The following KLF12 variants were observed in gnomAD, a reference collection of about 807,000 sequenced individuals.
The protein encoded by KLF12 is Krueppel-like factor 12.
A neutral mutation model predicts 37.8 loss-of-function variants in KLF12; 9 were observed. The ratio of observed to expected loss-of-function variants is 0.24; its 90% CI spans 0.14 to 0.42. The LOEUF (loss-of-function observed/expected upper bound fraction) is 0.42, where lower values mean the gene tolerates loss of function less well. Among genes scored for constraint, KLF12 ranks in the 10% least tolerant of loss-of-function variants. The probability of loss-of-function intolerance (pLI) is 1.00; values close to 1 mark genes in which losing one functional copy is unlikely to be tolerated. For synonymous variants in KLF12, 208 were observed against 202.1 expected, an observed-to-expected ratio of 1.03 and a Z score of -0.25; for missense variants, 411 against 516.0, an observed-to-expected ratio of 0.80 and a Z score of 1.97.
At chr13:73,897,360 T>C (rs2139060229) in intron 3 of KLF12, among the ~76,000 whole-genome samples, 1 of 152,250 alleles carries the variant, frequency 6.6e-6, no homozygotes. Context: ...AGGCCAGACA[T>C]CTTCTGATTT....
rs541999063 is a variant in KLF12 at position 74,003,029 on chromosome 13, T to G, written c.-31-7976A>C. ...GACTAGGTACTTTTACATATATTATTTAATTGAATTCATGGAAGAACCATA... is the reference window on the plus strand; with the variant it reads ...GACTAGGTACTTTTACATATATTATGTAATTGAATTCATGGAAGAACCATA... On this transcript the variant is annotated intron_variant, in intron 1 of 7. Transcript: ENST00000377669. Among the ~76,000 whole-genome samples, 14 of 152,330 alleles carry G rather than the reference T, an allele frequency of 9.2e-5. No homozygotes were observed. The South Asian group carries it at 2.1e-3, about 23-fold the overall frequency.
intron 6 of KLF12, among the ~76,000 whole-genome samples, chr13:73,747,261 C>T (rs1431648953): frequency 6.6e-6 from 1 of 151,638 alleles, no homozygotes; most frequent in Non-Finnish European, 1.5e-5. Context: ...AAAGACATGG[C>T]AGGGATCCAG....
the KLF12 span, among the ~76,000 whole-genome samples, chr13:74,198,085 C>A: frequency 4.6e-5 from 7 of 152,054 alleles, no homozygotes; most frequent in Non-Finnish European, 8.8e-5. Context: ...AGAAAAAAAT[C>A]TCTCTTGTTC....
At chr13:73,850,626 A>G (rs996726347) in intron 3 of KLF12, among the ~76,000 whole-genome samples, 2 of 152,228 alleles carry the variant, frequency 1.3e-5, no homozygotes, top group African/African-American at 4.8e-5. Context: ...GGAGCAATGC[A>G]TAATATTCTA....
intron 1 of KLF12, among the ~76,000 whole-genome samples, chr13:74,028,854 C>T (rs1487658670): frequency 6.6e-6 from 1 of 151,528 alleles, no homozygotes; most frequent in Non-Finnish European, 1.5e-5. Context: ...TTTAAAGGGG[C>T]ATACCTTATA....
At chr13:74,277,775 C>A in the KLF12 span, among the ~76,000 whole-genome samples, 1 of 152,096 alleles carries the variant, frequency 6.6e-6, no homozygotes, top group Non-Finnish European at 1.5e-5. Context: ...TTAGAATGTC[C>A]TGTCCCATGG....
chr13:73,943,659 C>T (rs1193087815), intron 3 of KLF12, among the ~76,000 whole-genome samples: 3 of 152,144 alleles, frequency 2.0e-5, no homozygotes, highest in Non-Finnish European at 4.4e-5. Flanking sequence ...TATAGTCCCA[C>T]CTTATTTTTT....
intron 5 of KLF12, chr13:73,801,698 T>C (rs2138347213): frequency 6.6e-6 from 1 of 152,232 alleles, no homozygotes; most frequent in Non-Finnish European, 1.5e-5. Flanking sequence ...ATTCTTGCAA[T>C]CGGTTTGGAA....
intron 3 of KLF12, among the ~76,000 whole-genome samples, chr13:73,887,822 C>T (rs897986241): frequency 2.0e-5 from 3 of 152,016 alleles, no homozygotes; most frequent in Non-Finnish European, 4.4e-5. Context: ...TCAAGTATTA[C>T]CTCCATGAAT....
intron 6 of KLF12, among the ~76,000 whole-genome samples, chr13:73,720,842 T>C (rs1246019551): frequency 6.6e-6 from 1 of 152,124 alleles, no homozygotes; most frequent in Non-Finnish European, 1.5e-5. Flanking sequence ...GACCTTAGCA[T>C]GATGAGATGT....
In KLF12 at chr13:73,828,529, C is replaced by T. The variant is rs1274020435; in HGVS notation, c.671-15242G>A. On this transcript the variant is annotated intron_variant, in intron 4 of 7. Transcript: ENST00000377669. ...TTATCTTTTCCTTTATCCTTGACAT[C>T]CAACTGGCCAACAAATTCTATCACA... 2.6e-5 allele frequency among the ~76,000 whole-genome samples: 4 copies of T among 152,148 alleles called. No homozygotes were observed. The East Asian group carries it at 7.7e-4, about 29-fold the overall frequency.
chr13:73,955,412 C>A lies in KLF12; in HGVS notation c.34-11342G>T, dbSNP rs931932208. Among the ~76,000 whole-genome samples, 5 of 152,180 alleles carry A rather than the reference C, an allele frequency of 3.3e-5. No individual in the cohort carries two copies. In the East Asian group the frequency reaches 7.7e-4, roughly 24 times the overall value. On this transcript the variant is annotated intron_variant, in intron 2 of 7. Transcript: ENST00000377669. Reference sequence around the variant, plus strand: ...AGAAAACTAACCCACACAATTAATACATAATTGTGGAATACATTAATATAT... The same window carrying A: ...AGAAAACTAACCCACACAATTAATAAATAATTGTGGAATACATTAATATAT...
At chr13:74,168,604 C>T in the KLF12 span, among the ~76,000 whole-genome samples, 3 of 152,260 alleles carry the variant, frequency 2.0e-5, no homozygotes, top group African/African-American at 7.2e-5. Context: ...TTATATTCAG[C>T]AAACACAGTG....
intron 1 of KLF12, among the ~76,000 whole-genome samples, chr13:74,098,208 C>G (rs1479287196): frequency 6.6e-6 from 1 of 152,152 alleles, no homozygotes; most frequent in African/African-American, 2.4e-5. Context: ...ATGCTGAACT[C>G]ACTGCTTAGA....
intron 4 of KLF12, among the ~76,000 whole-genome samples, chr13:73,839,899 CCTT>C (rs1453990975): frequency 1.2e-4 from 18 of 152,274 alleles, no homozygotes; most frequent in African/African-American, 2.9e-4. Flanking sequence ...TATACTATCT[CCTT>C]CTTTTAAAAC....
At chr13:74,232,782 A>G in the KLF12 span, among the ~76,000 whole-genome samples, 2 of 152,236 alleles carry the variant, frequency 1.3e-5, no homozygotes, top group Non-Finnish European at 2.9e-5. Context: ...GTCAACAACA[A>G]CAAAAAAGTG....
intron 1 of KLF12, among the ~76,000 whole-genome samples, chr13:74,117,765 G>T (rs1303787714): frequency 6.6e-6 from 1 of 152,134 alleles, no homozygotes; most frequent in East Asian, 1.9e-4. Context: ...CCCTAAGCCA[G>T]TCTAACCATG....
Position 73,686,137 on chromosome 13 carries a change from A to C in KLF12, c.*9353T>G, listed in dbSNP as rs535655242. ...ATTTAACCTTCATGCCTTCATTCAG[A>C]TAATTATACAAATGCATACAGTTAA... On this transcript the variant is annotated 3_prime_UTR_variant, in exon 8 of 8. Transcript: ENST00000377669. The C allele has an allele frequency of 6.5e-6, 1 of 152,768 alleles. No homozygotes were observed. The highest frequency in any genetic ancestry group is 2.1e-4 in the South Asian group (1 of 4,834). 9.5% of individuals were successfully genotyped at this position (152,768 alleles called of 1,614,324 possible). A position where few individuals can be genotyped will look rare whatever the true frequency, so the allele number is the denominator to read the frequency against.
At chr13:74,125,208 C>T (rs901085424) in intron 1 of KLF12, among the ~76,000 whole-genome samples, 1 of 151,378 alleles carries the variant, frequency 6.6e-6, no homozygotes, top group African/African-American at 2.4e-5. Flanking sequence ...TTAAAAAACA[C>T]ACTGTTTATA....
Sources: allele counts gnomAD v4.1 joint callset (sites outside exome capture counted in the v4.1 genomes callset), GRCh38; gene constraint gnomAD v4.1.1; transcripts MANE v1.5; gene names NCBI Gene and HGNC (gene_info 2026-07-23, HGNC 2026-07-21).